PARN: variants seen among roughly 807,000 people sequenced by gnomAD.
PARN encodes the protein poly(A)-specific ribonuclease PARN.
Under a neutral mutation model 102.8 loss-of-function variants are expected in PARN, and 71 were observed. The observed-to-expected ratio is 0.69, with a 90% CI of 0.57 to 0.84. The LOEUF (loss-of-function observed/expected upper bound fraction) is 0.84, where lower values mean the gene tolerates loss of function less well. PARN is among the 40% of genes least tolerant of loss of function. PARN has a pLI of 0.00. For missense variants in PARN, 782 were observed against 760.9 expected, an observed-to-expected ratio of 1.03 and a Z score of -0.33; for synonymous variants, 261 against 252.9, an observed-to-expected ratio of 1.03 and a Z score of -0.30.
At chr16:14,501,207 T>C (rs542989877) in intron 21 of PARN, among the ~76,000 whole-genome samples, 4 of 150,080 alleles carry the variant, frequency 2.7e-5, no homozygotes, top group African/African-American at 9.8e-5. Context: ...TTTGGATTAT[T>C]TGAGCCTGCC....
chr16:14,613,716 A>T (rs1971677761), intron 6 of PARN, among the ~76,000 whole-genome samples: 1 of 152,236 alleles, frequency 6.6e-6, no homozygotes, highest in Non-Finnish European at 1.5e-5. Flanking sequence ...TAATTGCTTA[A>T]AGCAAGAACT....
intron 17 of PARN, 147 bp from the exon 18 acceptor site, chr16:14,581,090 T>A (rs1285096851): frequency 1.9e-6 from 1 of 529,876 alleles, no homozygotes; most frequent in Non-Finnish European, 3.4e-6. Context: ...TTCACTCTTG[T>A]TGCCCAGGCT....
At chr16:14,516,113 T>C (rs1049452098) in intron 21 of PARN, among the ~76,000 whole-genome samples, 1 of 150,196 alleles carries the variant, frequency 6.7e-6, no homozygotes, top group Admixed American at 6.6e-5. Context: ...AATACAAGAA[T>C]AAAAAAACAC....
intron 21 of PARN, among the ~76,000 whole-genome samples, chr16:14,483,970 C>A (rs1049948908): frequency 1.3e-5 from 2 of 152,162 alleles, no homozygotes; most frequent in Non-Finnish European, 2.9e-5. Flanking sequence ...ACCCAGTGTG[C>A]AGTCTTTTAT....
At chr16:14,568,809 C>T (rs992781994) in intron 18 of PARN, among the ~76,000 whole-genome samples, 35 of 151,290 alleles carry the variant, frequency 2.3e-4, no homozygotes, top group African/African-American at 8.0e-4. Context: ...AAAGGGGAAT[C>T]GCTTGAACCT....
chr16:14,610,958 A>C (rs570067948), intron 6 of PARN, 149 bp from the exon 7 acceptor site: 2 of 619,624 alleles, frequency 3.2e-6, no homozygotes, highest in Admixed American at 2.9e-5. Context: ...AATGATTTTG[A>C]AATGTGTTTA....
intron 22 of PARN, among the ~76,000 whole-genome samples, chr16:14,463,843 G>T (rs1281452424): frequency 2.1e-5 from 3 of 143,342 alleles, no homozygotes; most frequent in South Asian, 4.6e-4. Context: ...TTTTTTGGGG[G>T]GGGGGGGACG....
In PARN at chr16:14,436,398, A is replaced by C. The variant is rs1960697131; in HGVS notation, c.*319T>G. 2 of 369,558 alleles carry C rather than the reference A, an allele frequency of 5.4e-6. No homozygotes were observed. The highest frequency in any genetic ancestry group is 9.6e-5 in the East Asian group (2 of 20,922). 22.9% of individuals were successfully genotyped at this position (369,558 alleles called of 1,614,324 possible). The stretch of plus-strand genomic sequence containing the variant: ...GATTTCACAGCCGACACTCCCCATC[A>C]GGCAGGTTCTTAAGCACACTGGGTC... On this transcript the variant is annotated 3_prime_UTR_variant, in exon 24 of 24. Transcript: ENST00000437198.
chr16:14,457,201 G>C (rs1961718263), intron 22 of PARN, among the ~76,000 whole-genome samples: 1 of 152,194 alleles, frequency 6.6e-6, no homozygotes, highest in Non-Finnish European at 1.5e-5. Flanking sequence ...AGCTTCTCCT[G>C]CTAGGCTGAA....
chr16:14,485,825 C>G (rs746922394), intron 21 of PARN, among the ~76,000 whole-genome samples: 10 of 152,146 alleles, frequency 6.6e-5, no homozygotes, highest in Non-Finnish European at 1.3e-4. Flanking sequence ...ATAGCTTAAA[C>G]TATAGGCGTG....
At chr16:14,576,833 G>C (rs966590559) in intron 18 of PARN, among the ~76,000 whole-genome samples, 7 of 152,068 alleles carry the variant, frequency 4.6e-5, no homozygotes, top group Non-Finnish European at 8.8e-5. Context: ...AGACAAAATG[G>C]CACCATGCAA....
chr16:14,598,696 C>G (rs1395453271), intron 12 of PARN, among the ~76,000 whole-genome samples: 1 of 152,186 alleles, frequency 6.6e-6, no homozygotes, highest in African/African-American at 2.4e-5. Context: ...GAGAAGTCCT[C>G]GTGAGCCAAC....
At chr16:14,551,882 T>C (rs1221149433) in intron 21 of PARN, 139 bp downstream of exon 21, 3 of 608,988 alleles carry the variant, frequency 4.9e-6, no homozygotes, top group Non-Finnish European at 8.9e-6. Flanking sequence ...ATTTCATTTA[T>C]TTCAGAGACA....
chr16:14,501,059 C>T (rs990059154), intron 21 of PARN, among the ~76,000 whole-genome samples: 2 of 151,958 alleles, frequency 1.3e-5, no homozygotes, highest in African/African-American at 2.4e-5. Flanking sequence ...ATAAAAAAGA[C>T]CATCTGTTCA....
At chr16:14,580,659 A>G (rs1460104749) in intron 18 of PARN, among the ~76,000 whole-genome samples, 1 of 151,722 alleles carries the variant, frequency 6.6e-6, no homozygotes, top group Admixed American at 6.6e-5. Context: ...TACGTCTAGC[A>G]ATGTTTTCTT....
Position 14,567,022 on chromosome 16 carries a change from T to G in PARN, c.1263-11313A>C, listed in dbSNP as rs565735983. ...AAAAACCAGACTCAAGGCTTCACAGTAATTTAATGTGCCCTGTCTTTTGAC... is the reference window on the plus strand; with the variant it reads ...AAAAACCAGACTCAAGGCTTCACAGGAATTTAATGTGCCCTGTCTTTTGAC... On this transcript the variant is annotated intron_variant, in intron 18 of 23. Transcript: ENST00000437198. Among the ~76,000 whole-genome samples the G allele has an allele frequency of 1.8e-4, 27 of 152,376 alleles. 2 individuals carry two copies. In the South Asian group the frequency reaches 3.5e-3, roughly 20 times the overall value.
chr16:14,591,595 A>C (rs537103198), intron 13 of PARN, among the ~76,000 whole-genome samples: 5 of 152,178 alleles, frequency 3.3e-5, no homozygotes, highest in Admixed American at 1.3e-4. Context: ...TGCAGCATGG[A>C]AAGCTGAAAA....
intron 21 of PARN, among the ~76,000 whole-genome samples, chr16:14,508,942 G>C (rs1965047929): frequency 1.3e-5 from 2 of 150,236 alleles, no homozygotes; most frequent in South Asian, 4.2e-4. Context: ...GTGGTTCTGA[G>C]AATAATAAAA....
At chr16:14,617,121 A>G (rs894685124) in intron 6 of PARN, among the ~76,000 whole-genome samples, 2 of 150,502 alleles carry the variant, frequency 1.3e-5, no homozygotes, top group African/African-American at 2.4e-5. Flanking sequence ...GTGGTGGCTC[A>G]CACTTGTAAT....
Sources: gnomAD v4.1 joint callset for allele counts (sites outside exome capture counted in the v4.1 genomes callset) on GRCh38, gnomAD v4.1.1 for gene constraint, MANE v1.5 for transcripts, NCBI Gene and HGNC (gene_info 2026-07-23, HGNC 2026-07-21) for gene names.